The following ITGB8 variants were observed in gnomAD, a reference collection of about 807,000 sequenced individuals.
ITGB8 encodes the protein integrin beta-8.
ITGB8 carries 30 observed loss-of-function variants against 89.5 expected under a neutral mutation model. That is an observed-to-expected ratio of 0.34 (90% CI 0.25 to 0.45). The LOEUF (loss-of-function observed/expected upper bound fraction) is 0.45. ITGB8 is among the 20% of genes least tolerant of loss of function. ITGB8 has a pLI of 1.00. For synonymous variants in ITGB8, 335 were observed against 320.4 expected (o/e 1.05, Z -0.49); for missense variants, 836 against 933.3 (o/e 0.90, Z 1.36).
chr7:20,376,685 G>A (rs545382955), intron 3 of ITGB8, among the ~76,000 whole-genome samples: 19 of 152,222 alleles, frequency 1.2e-4, no homozygotes, highest in African/African-American at 4.3e-4. Flanking sequence ...AGCAGAGCAC[G>A]ATTTGGGGTC....
At chr7:20,394,784 T>A (rs1351753717) in intron 7 of ITGB8, 112 bp from the exon 8 acceptor site, 4 of 727,598 alleles carry the variant, frequency 5.5e-6, no homozygotes, top group Non-Finnish European at 9.4e-6. Context: ...AGGTTTTCAT[T>A]CATTTAATGG....
intron 1 of ITGB8, among the ~76,000 whole-genome samples, chr7:20,337,619 C>T (rs1304061013): frequency 6.6e-6 from 1 of 152,190 alleles, no homozygotes; most frequent in African/African-American, 2.4e-5. Flanking sequence ...ATAACTTCTT[C>T]CAGATCTCTT....
At position 20,384,244 on chromosome 7, in the gene ITGB8, T is replaced by C. The variant is rs113573109; in HGVS notation, c.960+2359T>C. ...TCAAACACTTTGCTTCTTGGCTTTA[T>C]CTCCAGCAGCCAATGCCAATAATGT... On this transcript the variant is annotated intron_variant, in intron 6 of 13. Coordinates refer to ENST00000222573, the MANE Select transcript of ITGB8 (RefSeq NM_002214.3). Among the ~76,000 whole-genome samples, 1,204 of 152,310 alleles carry C rather than the reference T, an allele frequency of 7.9e-3. 28 individuals are homozygous for C. Among genetic ancestry groups the C allele is most frequent in the African/African-American group, 0.027 (1,127 of 41,568 alleles).
At chr7:20,386,936 T>A (rs1485901762) in intron 6 of ITGB8, among the ~76,000 whole-genome samples, 2 of 152,142 alleles carry the variant, frequency 1.3e-5, no homozygotes, top group Non-Finnish European at 2.9e-5. Context: ...CTTCAGTAAA[T>A]AGGGTATCGT....
At chr7:20,352,372 T>C (rs1012590763) in intron 1 of ITGB8, 2 of 152,210 alleles carry the variant, frequency 1.3e-5, no homozygotes, top group Non-Finnish European at 2.9e-5. Context: ...CAAAACTGAA[T>C]TTATTCCTCT....
intron 9 of ITGB8, 93 bp from the exon 10 acceptor site, chr7:20,401,628 G>T (rs1787313218): frequency 2.8e-6 from 2 of 716,866 alleles, no homozygotes; most frequent in Non-Finnish European, 4.2e-6. Flanking sequence ...CTCTAAGATG[G>T]TTTCTTATCA....
chr7:20,383,435 C>A (rs1237789631), intron 6 of ITGB8, among the ~76,000 whole-genome samples: 1 of 151,998 alleles, frequency 6.6e-6, no homozygotes, highest in Non-Finnish European at 1.5e-5. Flanking sequence ...TCTATTTAAC[C>A]TCTTTTGATT....
chr7:20,402,943 G>A (rs1562702108), intron 10 of ITGB8, among the ~76,000 whole-genome samples: 2 of 152,138 alleles, frequency 1.3e-5, no homozygotes, highest in African/African-American at 2.4e-5. Flanking sequence ...CTGTGACAAT[G>A]TGCTAAATTT....
rs1198082569 is a variant in ITGB8, at chr7:20,331,463, G to A, written c.-344G>A. The stretch of plus-strand genomic sequence containing the variant: ...CAGCAGAAGCCCCACCGGCTGGAGA[G>A]AAACAAAAGCTCTTTTCTTTGTCCC... On this transcript the variant is annotated 5_prime_UTR_variant, in exon 1 of 14. Transcript: ENST00000222573. 2.4e-6 allele frequency: 1 copy of A among 413,498 alleles called. No individual in the cohort carries two copies. The highest frequency in any genetic ancestry group is 4.2e-6 in the Non-Finnish European group (1 of 236,896). The allele number at this position is 413,498 out of a possible 1,614,324, so 25.6% of individuals were successfully genotyped here.
At chr7:20,338,906 T>G (rs1311029320) in intron 1 of ITGB8, among the ~76,000 whole-genome samples, 1 of 151,970 alleles carries the variant, frequency 6.6e-6, no homozygotes, top group Non-Finnish European at 1.5e-5. Flanking sequence ...AAAAAATATC[T>G]TAGAAGGCTG....
rs1166960919 is a variant in ITGB8 at position 20,414,833 on chromosome 7, T to C, written c.*4836T>C. The C allele has an allele frequency of 6.6e-6, 1 of 152,612 alleles. No homozygotes were observed. Among genetic ancestry groups the C allele is most frequent in the Non-Finnish European group, 1.5e-5 (1 of 67,982 alleles). 9.5% of individuals were successfully genotyped at this position (152,612 alleles called of 1,614,324 possible). A position where few individuals can be genotyped will look rare whatever the true frequency, so the allele number is the denominator to read the frequency against. On this transcript the variant is annotated 3_prime_UTR_variant, in exon 14 of 14. Transcript: ENST00000222573. Reference sequence around the variant, plus strand: ...CTTTTATCTACCTGGAATACTTTTCTGCATAAAATTTATCTTTGTAAGCTA... The same window carrying C: ...CTTTTATCTACCTGGAATACTTTTCCGCATAAAATTTATCTTTGTAAGCTA...
At chr7:20,389,533 A>C (rs772678249) in intron 6 of ITGB8, among the ~76,000 whole-genome samples, 2 of 152,204 alleles carry the variant, frequency 1.3e-5, no homozygotes, top group African/African-American at 2.4e-5. Context: ...TTAAATATTG[A>C]TTTTATGTCA....
intron 1 of ITGB8, among the ~76,000 whole-genome samples, chr7:20,352,021 T>G (rs1785132784): frequency 6.6e-6 from 1 of 152,238 alleles, no homozygotes; most frequent in African/African-American, 2.4e-5. Context: ...GTGAATATTT[T>G]GGCTTTTATA....
chr7:20,354,921 AACAGCAATCTGTGTGACAAT>A (rs1752329106), intron 1 of ITGB8, among the ~76,000 whole-genome samples: 1 of 152,178 alleles, frequency 6.6e-6, no homozygotes, highest in African/African-American at 2.4e-5. Context: ...CAGGCAGGCA[AACAGCAATCTGTGTGACAAT>A]ACACTCTAAT....
rs1382130462 is a variant in ITGB8, at chr7:20,380,788, CAGA to C, written c.761_763del (p.Glu254del). On this transcript the variant is annotated inframe_deletion, in exon 5 of 14. Transcript: ENST00000222573. Reference sequence around the variant, plus strand: ...AAGATCTCTGGAAACATAGATACACCAGAAGGAGGTTTTGACGCCATGCTTCAG... The same window carrying C: ...AAGATCTCTGGAAACATAGATACACCAGGAGGTTTTGACGCCATGCTTCAG... 1 of 1,613,750 alleles carries C rather than the reference CAGA, an allele frequency of 6.2e-7. No homozygotes were observed. The highest frequency in any genetic ancestry group is 8.5e-7 in the Non-Finnish European group (1 of 1,179,772).
In ITGB8 at chr7:20,401,185, G is replaced by A. The variant is rs1019336450; in HGVS notation, c.1282-536G>A. Reference sequence around the variant, plus strand: ...GTAGAGATAGGGTTTCACCATGTTGGCTAGGCTGATCTCGAACTCCTGACC... The same window carrying A: ...GTAGAGATAGGGTTTCACCATGTTGACTAGGCTGATCTCGAACTCCTGACC... On this transcript the variant is annotated intron_variant, in intron 9 of 13. Transcript: ENST00000222573. 3.9e-4 allele frequency among the ~76,000 whole-genome samples: 60 copies of A among 152,192 alleles called. 1 individual carries two copies. The highest frequency in any genetic ancestry group is 1.4e-3 in the African/African-American group (60 of 41,522).
At chr7:20,378,952 A>T in intron 3 of ITGB8, 99 bp from the exon 4 acceptor site, 1 of 747,854 alleles carries the variant, frequency 1.3e-6, no homozygotes, top group Non-Finnish European at 2.0e-6. Flanking sequence ...CAAATTTGTG[A>T]TGATTGTGCT....
intron 7 of ITGB8, among the ~76,000 whole-genome samples, chr7:20,392,170 G>T (rs74610821): frequency 1.3e-5 from 2 of 151,958 alleles, no homozygotes; most frequent in Admixed American, 1.3e-4. Flanking sequence ...AATCTTTAAG[G>T]CTCTTTCTTC....
chr7:20,384,285 T>A (rs1786516679), intron 6 of ITGB8, among the ~76,000 whole-genome samples: 1 of 135,704 alleles, frequency 7.4e-6, no homozygotes, highest in African/African-American at 2.7e-5. Context: ...GGTATCTGAG[T>A]TTCTTGATTC....
Sources: gnomAD v4.1 joint callset for allele counts (sites outside exome capture counted in the v4.1 genomes callset) on GRCh38, gnomAD v4.1.1 for gene constraint, MANE v1.5 for transcripts, NCBI Gene and HGNC (gene_info 2026-07-23, HGNC 2026-07-21) for gene names.